Variants in LRP1B observed in about 807,000 individuals in gnomAD.
LRP1B encodes the protein low-density lipoprotein receptor-related protein 1B.
A neutral mutation model predicts 556.6 loss-of-function variants in LRP1B; 217 were observed. The observed-to-expected ratio is 0.39, with a 90% CI of 0.35 to 0.44. LRP1B has a LOEUF of 0.44. LRP1B is among the 20% of genes least tolerant of loss of function. The pLI is 1.00. For missense variants in LRP1B, 5,053 were observed against 5,620.8 expected, an observed-to-expected ratio of 0.90 and a Z score of 3.23; for synonymous variants, 2,047 against 1,865.8, an observed-to-expected ratio of 1.10 and a Z score of -2.50.
chr2:140,350,762 T>G, intron 77 of LRP1B, 35 bp downstream of exon 77: 4 of 1,595,600 alleles, frequency 2.5e-6, no homozygotes, highest in Non-Finnish European at 2.6e-6. Flanking sequence ...GGGGAAAAGG[T>G]ATGGACTTTC....
chr2:141,577,326 T>C (rs1295586707), intron 2 of LRP1B, among the ~76,000 whole-genome samples: 1 of 152,144 alleles, frequency 6.6e-6, no homozygotes, highest in Non-Finnish European at 1.5e-5. Context: ...TGACCTACAC[T>C]ACCAGGGAAA....
At chr2:141,115,650 T>C (rs1700877337) in intron 7 of LRP1B, among the ~76,000 whole-genome samples, 1 of 121,618 alleles carries the variant, frequency 8.2e-6, no homozygotes. Flanking sequence ...TGTGTGTGTG[T>C]GTGTGTGTTT....
At chr2:140,648,436 A>G (rs1291216483) in intron 41 of LRP1B, among the ~76,000 whole-genome samples, 3 of 152,106 alleles carry the variant, frequency 2.0e-5, no homozygotes, top group Admixed American at 1.3e-4. Flanking sequence ...TTAAAGTATA[A>G]TAAAAAAAAA....
Position 140,503,112 on chromosome 2 carries a change from G to A in LRP1B, c.8522-9C>T, listed in dbSNP as rs201779876. On this transcript the variant is annotated splice_polypyrimidine_tract_variant and intron_variant, in intron 53 of 90. Coordinates refer to ENST00000389484, the MANE Select transcript of LRP1B (RefSeq NM_018557.3). Reference sequence around the variant, plus strand: ...ACCACACTGTCGATATCCTAGAGACGCAGAAAAAACATTTGACTAATTCAC... The same window carrying A: ...ACCACACTGTCGATATCCTAGAGACACAGAAAAAACATTTGACTAATTCAC... 1.1e-5 allele frequency: 17 copies of A among 1,611,192 alleles called. No individual in the cohort carries two copies. The highest frequency in any genetic ancestry group is 2.2e-5 in the East Asian group (1 of 44,800).
At chr2:141,965,593 T>C (rs1178193596) in intron 1 of LRP1B, among the ~76,000 whole-genome samples, 4 of 77,514 alleles carry the variant, frequency 5.2e-5, no homozygotes, top group Non-Finnish European at 2.5e-5. Flanking sequence ...CTGGGGACTG[T>C]GGTGGGGAGG....
intron 1 of LRP1B, among the ~76,000 whole-genome samples, chr2:141,881,340 A>C (rs1404731395): frequency 6.6e-6 from 1 of 152,080 alleles, no homozygotes; most frequent in African/African-American, 2.4e-5. Context: ...TTTTACAACA[A>C]ACAATTGTGA....
Position 140,989,437 on chromosome 2 carries a change from C to CTAGGAAAGTTCAGCT in LRP1B, c.2770+80_2770+94dup. On this transcript the variant is annotated intron_variant, in intron 17 of 90. Transcript: ENST00000389484. ...TACTGCAATAATCAGATCATCAGCA[C>CTAGGAAAGTTCAGCT]TAGGAAAGTTCAGCTTAGTTCAAAG... 2.2e-6 allele frequency: 3 copies of CTAGGAAAGTTCAGCT among 1,336,116 alleles called. No homozygotes were observed. The South Asian group carries it at 3.8e-5, about 17-fold the overall frequency. The allele number at this position is 1,336,116 out of a possible 1,614,324, so 82.8% of individuals were successfully genotyped here.
rs1470931196 is a variant in LRP1B at position 141,422,347 on chromosome 2, G to A, written c.343+58049C>T. Among the ~76,000 whole-genome samples, 9 of 152,190 alleles carry A rather than the reference G, an allele frequency of 5.9e-5. No individual in the cohort carries two copies. In the South Asian group the frequency reaches 1.9e-3, roughly 32 times the overall value. ...AGAGGAGATGTAAAGAATAAAATAAGACAACCACAAACCAAAACCATAAGT... is the reference window on the plus strand; with the variant it reads ...AGAGGAGATGTAAAGAATAAAATAAAACAACCACAAACCAAAACCATAAGT... On this transcript the variant is annotated intron_variant, in intron 3 of 90. Transcript: ENST00000389484.
chr2:140,328,347 G>A (rs977336784), intron 79 of LRP1B, among the ~76,000 whole-genome samples: 6 of 151,218 alleles, frequency 4.0e-5, no homozygotes, highest in Non-Finnish European at 8.9e-5. Flanking sequence ...GTCATTTTCA[G>A]TATATCTCCC....
At chr2:141,583,593 G>A (rs975643832) in intron 2 of LRP1B, among the ~76,000 whole-genome samples, 11 of 151,248 alleles carry the variant, frequency 7.3e-5, no homozygotes, top group Non-Finnish European at 1.2e-4. Flanking sequence ...AAAACACTAT[G>A]TTTTCTTTTA....
chr2:141,987,549 G>GTTTTTTT (rs5834887), intron 1 of LRP1B, among the ~76,000 whole-genome samples: 3 of 139,972 alleles, frequency 2.1e-5, no homozygotes, highest in African/African-American at 2.6e-5. Flanking sequence ...GATTTAAGCT[G>GTTTTTTT]TTTTTTTTTT....
intron 2 of LRP1B, among the ~76,000 whole-genome samples, chr2:141,794,280 TATTG>T (rs1318938361): frequency 1.3e-5 from 2 of 151,922 alleles, no homozygotes; most frequent in East Asian, 1.9e-4. Flanking sequence ...AACAGGAAAT[TATTG>T]ATTATTTTTG....
At chr2:141,787,362 A>G (rs1459285520) in intron 2 of LRP1B, among the ~76,000 whole-genome samples, 4 of 151,990 alleles carry the variant, frequency 2.6e-5, no homozygotes, top group Admixed American at 1.3e-4. Context: ...CAGTGAATGT[A>G]TCAGAAAACT....
intron 84 of LRP1B, among the ~76,000 whole-genome samples, chr2:140,292,257 G>A (rs529440678): frequency 6.6e-6 from 1 of 152,054 alleles, no homozygotes; most frequent in Non-Finnish European, 1.5e-5. Flanking sequence ...GGTTGTGTGA[G>A]CATTTGTTGA....
At chr2:141,544,383 TCCTCCTCC>T (rs1685465890) in intron 2 of LRP1B, among the ~76,000 whole-genome samples, 3 of 71,124 alleles carry the variant, frequency 4.2e-5, no homozygotes, top group African/African-American at 1.4e-4. Context: ...CTTCTTCTTC[TCCTCCTCC>T]TCCTCCTCCT....
chr2:141,661,058 C>T (rs995996298), intron 2 of LRP1B, among the ~76,000 whole-genome samples: 1 of 152,132 alleles, frequency 6.6e-6, no homozygotes, highest in Non-Finnish European at 1.5e-5. Context: ...TCGGGGACCA[C>T]CAGCAAACTG....
At chr2:140,536,875 T>G (rs1032691435) in intron 45 of LRP1B, among the ~76,000 whole-genome samples, 166 bp from the exon 46 acceptor site, 14 of 151,842 alleles carry the variant, frequency 9.2e-5, no homozygotes, top group African/African-American at 3.1e-4. Context: ...AATTAAGATC[T>G]TAAGAAATAA....
intron 66 of LRP1B, among the ~76,000 whole-genome samples, chr2:140,436,853 C>T (rs1033935590): frequency 3.3e-5 from 5 of 152,064 alleles, no homozygotes; most frequent in Non-Finnish European, 2.9e-5. Context: ...TCACACTCAC[C>T]TGGATTTACC....
intron 43 of LRP1B, among the ~76,000 whole-genome samples, chr2:140,556,837 A>G (rs1680752284): frequency 6.6e-6 from 1 of 152,040 alleles, no homozygotes; most frequent in Non-Finnish European, 1.5e-5. Flanking sequence ...GAATTAAATT[A>G]CATACATGTC....
Sources: allele counts gnomAD v4.1 joint callset (sites outside exome capture counted in the v4.1 genomes callset), GRCh38; gene constraint gnomAD v4.1.1; transcripts MANE v1.5; gene names NCBI Gene and HGNC (gene_info 2026-07-23, HGNC 2026-07-21).